The following NUP62CL variants were observed in gnomAD, a reference collection of about 807,000 sequenced individuals.
NUP62CL encodes the protein nucleoporin-62 C-terminal-like protein.
Under a neutral mutation model 15.3 loss-of-function variants are expected in NUP62CL, and 13 were observed. The ratio of observed to expected loss-of-function variants is 0.85; its 90% CI spans 0.55 to 1.35. The LOEUF (loss-of-function observed/expected upper bound fraction) is 1.35, where lower values mean the gene tolerates loss of function less well. Ranked by LOEUF, NUP62CL falls within the 40% of genes most tolerant of loss-of-function variation. The probability of loss-of-function intolerance (pLI) is 0.00; values close to 1 mark genes in which losing one functional copy is unlikely to be tolerated. For missense variants in NUP62CL, 123 were observed against 130.6 expected, an observed-to-expected ratio of 0.94 and a Z score of 0.28; for synonymous variants, 54 against 49.2, an observed-to-expected ratio of 1.10 and a Z score of -0.41.
chrX:107,139,368 G>T, intron 8 of NUP62CL, among the ~76,000 whole-genome samples: 1 of 111,819 alleles, frequency 8.9e-6, no homozygotes, highest in Middle Eastern at 4.6e-3. Flanking sequence ...TTATCAATGT[G>T]AATATCCTAG....
intron 2 of NUP62CL, among the ~76,000 whole-genome samples, chrX:107,183,895 A>C (rs1238704250): frequency 1.8e-5 from 2 of 110,587 alleles, no homozygotes; most frequent in Non-Finnish European, 3.8e-5. Context: ...ACCAAACTCG[A>C]AGCCAGGTTT....
chrX:107,155,140 C>T (rs930597570), intron 4 of NUP62CL, among the ~76,000 whole-genome samples: 5 of 111,830 alleles, frequency 4.5e-5, no homozygotes, highest in African/African-American at 1.3e-4. Flanking sequence ...GCTTGACCTC[C>T]ACATCCACTG....
At chrX:107,188,063 G>C (rs1437947130) in intron 2 of NUP62CL, among the ~76,000 whole-genome samples, 1 of 111,598 alleles carries the variant, frequency 9.0e-6, no homozygotes, top group East Asian at 2.8e-4. Flanking sequence ...TAAAACAGGA[G>C]AACTCATTTT....
intron 8 of NUP62CL, among the ~76,000 whole-genome samples, chrX:107,130,096 G>C (rs1925479087): frequency 9.0e-6 from 1 of 111,571 alleles, no homozygotes; most frequent in African/African-American, 3.3e-5. Context: ...TCAAACATTA[G>C]AAAAACAGTA....
intron 2 of NUP62CL, among the ~76,000 whole-genome samples, chrX:107,175,958 A>G (rs1280636229): frequency 1.8e-5 from 2 of 111,204 alleles, no homozygotes; most frequent in Non-Finnish European, 3.8e-5. Context: ...TGAGGCCCCA[A>G]TCACCCTCAC....
chrX:107,183,808 A>G (rs183723845), intron 2 of NUP62CL, among the ~76,000 whole-genome samples: 48 of 111,537 alleles, frequency 4.3e-4, no homozygotes, highest in African/African-American at 1.4e-3. Context: ...AGCAAACACC[A>G]GGAGAGCCTA....
At chrX:107,160,959 A>C (rs1349897042) in intron 4 of NUP62CL, among the ~76,000 whole-genome samples, 14 of 110,468 alleles carry the variant, frequency 1.3e-4, no homozygotes, top group Non-Finnish European at 2.3e-4. Context: ...ACCCCATCAA[A>C]AAGTGGGCGA....
intron 1 of NUP62CL, among the ~76,000 whole-genome samples, chrX:107,205,161 T>C (rs1927644285): frequency 9.0e-6 from 1 of 111,573 alleles, no homozygotes; most frequent in Non-Finnish European, 1.9e-5. Context: ...ATATAAAATT[T>C]ATTTCTTACT....
In NUP62CL at chrX:107,165,304, C is replaced by CA. The variant is rs1391614666; in HGVS notation, c.194+2344dup. ...TGGGCGTCACAGTGAGACTCTGTCTCAAAAAAAAAAATAATAATAATAAAT... is the reference window on the plus strand; with the variant it reads ...TGGGCGTCACAGTGAGACTCTGTCTCAAAAAAAAAAAATAATAATAATAAAT... On this transcript the variant is annotated intron_variant, in intron 4 of 8. Transcript: ENST00000372466. Among the ~76,000 whole-genome samples, 135 of 93,281 alleles carry CA rather than the reference C, an allele frequency of 1.4e-3. No individual in the cohort carries two copies. The Middle Eastern group carries it at 0.016, about 11-fold the overall frequency. The allele number at this position is 93,281 out of a possible 115,157, so 81.0% of individuals were successfully genotyped here. A position where few individuals can be genotyped will look rare whatever the true frequency, so the allele number is the denominator to read the frequency against.
At chrX:107,150,167 G>A (rs1363915964) in intron 7 of NUP62CL, among the ~76,000 whole-genome samples, 1 of 111,856 alleles carries the variant, frequency 8.9e-6, no homozygotes, top group Non-Finnish European at 1.9e-5. Context: ...GGATTGCCTG[G>A]TTGTGTTGAA....
At chrX:107,160,833 A>C (rs1286132712) in intron 4 of NUP62CL, among the ~76,000 whole-genome samples, 1 of 110,947 alleles carries the variant, frequency 9.0e-6, no homozygotes, top group East Asian at 2.8e-4. Context: ...CTACCATCAG[A>C]GTGAACAGGC....
chrX:107,193,785 T>C (rs772482956), intron 1 of NUP62CL, among the ~76,000 whole-genome samples: 6 of 110,645 alleles, frequency 5.4e-5, no homozygotes, highest in Non-Finnish European at 1.1e-4. Context: ...AGAATTCTTA[T>C]CCCAGAAATT....
rs757864281 is a variant in NUP62CL at position 107,123,591 on chromosome X, A to C, written c.*784T>G. 2.1e-4 allele frequency: 24 copies of C among 111,668 alleles called. No individual in the cohort carries two copies. The highest frequency in any genetic ancestry group is 5.5e-4 in the African/African-American group (17 of 30,780). 9.2% of individuals were successfully genotyped at this position (111,668 alleles called of 1,213,427 possible). A position where few individuals can be genotyped will look rare whatever the true frequency, so the allele number is the denominator to read the frequency against. Reference sequence around the variant, plus strand: ...AAACAAAACAAAACAAACAAACAAAAAAAAAGAAAAACAAACAAATATACG... The same window carrying C: ...AAACAAAACAAAACAAACAAACAAACAAAAAGAAAAACAAACAAATATACG... On this transcript the variant is annotated 3_prime_UTR_variant, in exon 9 of 9. Transcript: ENST00000372466.
chrX:107,135,690 C>T (rs1020409805), intron 8 of NUP62CL, among the ~76,000 whole-genome samples: 7 of 111,090 alleles, frequency 6.3e-5, no homozygotes, highest in Non-Finnish European at 7.5e-5. Flanking sequence ...TAGCTGGGCG[C>T]GTTGGCAAAA....
intron 8 of NUP62CL, among the ~76,000 whole-genome samples, chrX:107,130,094 T>C (rs1331469968): frequency 9.0e-6 from 1 of 111,521 alleles, no homozygotes; most frequent in Non-Finnish European, 1.9e-5. Context: ...CATCAAACAT[T>C]AGAAAAACAG....
At chrX:107,176,578 G>A (rs1158935196) in intron 2 of NUP62CL, among the ~76,000 whole-genome samples, 1 of 108,092 alleles carries the variant, frequency 9.3e-6, no homozygotes, top group African/African-American at 3.4e-5. Flanking sequence ...TTGTCGGGGG[G>A]GCGATGAAAA....
intron 2 of NUP62CL, among the ~76,000 whole-genome samples, chrX:107,185,824 G>A (rs1305070012): frequency 9.0e-6 from 1 of 111,628 alleles, no homozygotes; most frequent in African/African-American, 3.3e-5. Context: ...TATGTTGTCT[G>A]TATGAAAGTC....
chrX:107,154,301 T>C, intron 4 of NUP62CL, 55 bp from the exon 5 acceptor site: 1 of 1,032,955 alleles, frequency 9.7e-7, no homozygotes, highest in Non-Finnish European at 1.3e-6. Context: ...AAAAGTGTGA[T>C]CAGATTTTAA....
chrX:107,147,642 A>G, intron 8 of NUP62CL, 101 bp downstream of exon 8: 1 of 540,902 alleles, frequency 1.8e-6, no homozygotes, highest in Admixed American at 2.5e-5. Flanking sequence ...ACACCCATAC[A>G]ACAGCTTTTA....
Sources: gnomAD v4.1 joint callset for allele counts (sites outside exome capture counted in the v4.1 genomes callset) on GRCh38, gnomAD v4.1.1 for gene constraint, MANE v1.5 for transcripts, NCBI Gene and HGNC (gene_info 2026-07-23, HGNC 2026-07-21) for gene names.